Variants in ZMYM2 observed in about 807,000 individuals in gnomAD.
The protein encoded by ZMYM2 is zinc finger MYM-type containing 2, also known as zinc finger MYM-type protein 2.
ZMYM2 carries 56 observed loss-of-function variants against 162.8 expected under a neutral mutation model. The ratio of observed to expected loss-of-function variants is 0.34; its 90% confidence interval spans 0.28 to 0.43. The LOEUF is 0.43. Ranked by LOEUF, ZMYM2 falls within the 20% of genes least tolerant of loss-of-function variation. ZMYM2 has a pLI of 1.00. For synonymous variants in ZMYM2, 510 were observed against 541.6 expected (o/e 0.94, Z 0.81); for missense variants, 1,275 against 1,621.8 (o/e 0.79, Z 3.67).
At chr13:19,917,138 A>C in the ZMYM2 span, among the ~76,000 whole-genome samples, 1 of 151,848 alleles carries the variant, frequency 6.6e-6, no homozygotes. Flanking sequence ...AATTTTTTGT[A>C]TTTTTAGTAG....
intron 2 of ZMYM2, among the ~76,000 whole-genome samples, chr13:19,969,761 T>G (rs1300646287): frequency 6.6e-6 from 1 of 152,166 alleles, no homozygotes; most frequent in Non-Finnish European, 1.5e-5. Context: ...TTTCTGAAAT[T>G]TGTCTAATAA....
intron 21 of ZMYM2, among the ~76,000 whole-genome samples, chr13:20,069,788 T>C (rs1956943800): frequency 6.6e-6 from 1 of 151,742 alleles, no homozygotes. Flanking sequence ...TTTTTAACGA[T>C]AATTTATATT....
chr13:19,901,727 G>C, the ZMYM2 span, among the ~76,000 whole-genome samples: 1 of 151,906 alleles, frequency 6.6e-6, no homozygotes, highest in Non-Finnish European at 1.5e-5. Flanking sequence ...CACCCACCTC[G>C]GCCTCCCAAA....
chr13:19,870,234 C>T, the ZMYM2 span, among the ~76,000 whole-genome samples: 1 of 152,146 alleles, frequency 6.6e-6, no homozygotes, highest in African/African-American at 2.4e-5. Context: ...CAGCTCACTG[C>T]AACTTCCGCC....
intron 11 of ZMYM2, among the ~76,000 whole-genome samples, chr13:20,034,820 G>C (rs1460035393): frequency 1.3e-5 from 2 of 152,132 alleles, no homozygotes; most frequent in African/African-American, 4.8e-5. Flanking sequence ...GTACTAAAAT[G>C]GGAAGATACT....
In ZMYM2 at chr13:19,987,572, C is replaced by CGTGTGTGTGTGTGT. The variant is rs36128018; in HGVS notation, c.-10-5478_-10-5465dup. On this transcript the variant is annotated intron_variant, in intron 2 of 24. Transcript: ENST00000610343. ...GGCACCGCACCCGGGCGCCCCGCTA[C>CGTGTGTGTGTGTGT]GTGTGTGTGTGTGTGTGTGTGTGTG... Among the ~76,000 whole-genome samples the CGTGTGTGTGTGTGT allele has an allele frequency of 7.1e-4, 94 of 133,326 alleles. 1 individual carries two copies. The Middle Eastern group carries it at 0.022, about 31-fold the overall frequency. 87.5% of individuals were successfully genotyped at this position (133,326 alleles called of 152,430 possible).
the ZMYM2 span, among the ~76,000 whole-genome samples, chr13:19,868,035 A>G: frequency 6.6e-6 from 1 of 152,194 alleles, no homozygotes; most frequent in Non-Finnish European, 1.5e-5. Context: ...CCAGAACCTT[A>G]CTAGTGCCAG....
rs540020729 is a variant in ZMYM2 at position 19,986,374 on chromosome 13, A to T, written c.-10-6689A>T. Reference sequence around the variant, plus strand: ...TCTCAGAAAAAACAAACAAAAACAAAAAAAAAAAGAAGGGTGATTATTTAC... The same window carrying T: ...TCTCAGAAAAAACAAACAAAAACAATAAAAAAAAGAAGGGTGATTATTTAC... On this transcript the variant is annotated intron_variant, in intron 2 of 24. Transcript: ENST00000610343. Among the ~76,000 whole-genome samples the T allele has an allele frequency of 5.9e-5, 9 of 151,310 alleles. No homozygotes were observed. The East Asian group carries it at 1.7e-3, about 29-fold the overall frequency.
At position 20,082,724 on chromosome 13, in the gene ZMYM2, G is replaced by T. The variant is rs1019629407; in HGVS notation, c.3569-57G>T. 2.2e-6 allele frequency: 3 copies of T among 1,379,514 alleles called. No homozygotes were observed. The African/African-American group carries it at 4.4e-5, about 20-fold the overall frequency. 85.5% of individuals were successfully genotyped at this position (1,379,514 alleles called of 1,614,324 possible). ...AATTAACTGTGTCTGCTTCTAGATG[G>T]TTAAATGAAAACTTTTATTTATTAT... is the stretch of plus-strand genomic sequence containing the variant. On this transcript the variant is annotated intron_variant, in intron 22 of 24. Transcript: ENST00000610343.
upstream of ZMYM2, among the ~76,000 whole-genome samples, chr13:19,954,126 A>ATTCTTTTTTTTTTTTTT (rs1954471681): frequency 1.5e-5 from 1 of 64,880 alleles, no homozygotes; most frequent in African/African-American, 4.8e-5. Flanking sequence ...GCTATGTTTA[A>ATTCTTTTTTTTTTTTTT]TTTTTTTTTT....
chr13:19,917,349 G>A, the ZMYM2 span, among the ~76,000 whole-genome samples: 1 of 152,060 alleles, frequency 6.6e-6, no homozygotes, highest in South Asian at 2.1e-4. Context: ...TGCACTTTGA[G>A]GGGCAGAGGT....
chr13:19,944,446 G>A, the ZMYM2 span, among the ~76,000 whole-genome samples: 1 of 152,100 alleles, frequency 6.6e-6, no homozygotes, highest in Non-Finnish European at 1.5e-5. Flanking sequence ...ATCTATGCAT[G>A]TTGATGTGAA....
Position 20,062,829 on chromosome 13 carries a change from A to C in ZMYM2, c.2912-17A>C. 6.5e-7 allele frequency: 1 copy of C among 1,548,730 alleles called. No individual in the cohort carries two copies. The highest frequency in any genetic ancestry group is 8.7e-7 in the Non-Finnish European group (1 of 1,145,060). On this transcript the variant is annotated splice_polypyrimidine_tract_variant and intron_variant, in intron 17 of 24. Transcript: ENST00000610343. ...TTTTCTGTTTTGATTCCTAATGATA[A>C]TATGGATTGATTTCAGGTGTAATTA... is the stretch of plus-strand genomic sequence containing the variant.
At chr13:20,021,316 GTTTGATTTT>G (rs1952074286) in intron 7 of ZMYM2, among the ~76,000 whole-genome samples, 3 of 138,724 alleles carry the variant, frequency 2.2e-5, no homozygotes, top group African/African-American at 8.3e-5. Context: ...TGTTTCTATA[GTTTGATTTT>G]CTTTTTTTTT....
At chr13:19,947,103 G>GC in the ZMYM2 span, among the ~76,000 whole-genome samples, 1 of 150,842 alleles carries the variant, frequency 6.6e-6, no homozygotes, top group African/African-American at 2.4e-5. Context: ...GTGCAGTGGC[G>GC]CGATCTCGGC....
At chr13:19,880,466 T>A in the ZMYM2 span, among the ~76,000 whole-genome samples, 1,821 of 152,260 alleles carry the variant, frequency 0.012, 39 homozygotes, top group African/African-American at 0.04. Flanking sequence ...TCTCACTCTG[T>A]CACCCAGGCA....
chr13:20,048,007 G>A (rs1219624049), intron 12 of ZMYM2, among the ~76,000 whole-genome samples: 1 of 151,988 alleles, frequency 6.6e-6, no homozygotes, highest in East Asian at 1.9e-4. Context: ...TACAATAATA[G>A]CTAGAAGGTG....
the ZMYM2 span, among the ~76,000 whole-genome samples, chr13:19,867,782 C>T: frequency 1.1e-4 from 16 of 152,256 alleles, no homozygotes; most frequent in Admixed American, 7.2e-4. Flanking sequence ...TGCGCCACCA[C>T]GTCCAGCTAA....
At chr13:20,043,690 G>A (rs372533599) in intron 12 of ZMYM2, among the ~76,000 whole-genome samples, 3 of 152,046 alleles carry the variant, frequency 2.0e-5, no homozygotes, top group East Asian at 3.9e-4. Flanking sequence ...CTGCAGTGTC[G>A]TTGGTGGGGC....
Sources: allele counts gnomAD v4.1 joint callset (sites outside exome capture counted in the v4.1 genomes callset), GRCh38; gene constraint gnomAD v4.1.1; transcripts MANE v1.5; gene names NCBI Gene and HGNC (gene_info 2026-07-23, HGNC 2026-07-21).